The following ABCC4 variants were observed in gnomAD, a reference collection of about 807,000 sequenced individuals.
ABCC4 encodes ATP-binding cassette sub-family C member 4.
A neutral mutation model predicts 168.5 loss-of-function variants in ABCC4; 102 were observed. That is an observed-to-expected ratio of 0.61 (90% confidence interval 0.52 to 0.71). ABCC4 has a LOEUF of 0.71. Among genes scored for constraint, ABCC4 ranks in the 30% least tolerant of loss-of-function variants. The pLI, the probability that ABCC4 is intolerant of heterozygous loss-of-function variation, is 0.00. For synonymous variants in ABCC4, 617 were observed against 590.7 expected, an observed-to-expected ratio of 1.04 and a Z score of -0.65; for missense variants, 1,402 against 1,605.8, an observed-to-expected ratio of 0.87 and a Z score of 2.17.
At chr13:95,287,567 G>A (rs1269305069) in intron 1 of ABCC4, among the ~76,000 whole-genome samples, 1 of 150,232 alleles carries the variant, frequency 6.7e-6, no homozygotes, top group Non-Finnish European at 1.5e-5. Context: ...AGCCTGGGTG[G>A]AAGGGCATGA....
intron 1 of ABCC4, among the ~76,000 whole-genome samples, chr13:95,299,017 C>A (rs2041607147): frequency 6.6e-6 from 1 of 151,948 alleles, no homozygotes. Context: ...CTTTGGGTGG[C>A]CGAAGCGGGA....
chr13:95,188,605 G>A (rs1699167315), intron 9 of ABCC4, 63 bp from the exon 10 acceptor site: 1 of 1,367,242 alleles, frequency 7.3e-7, no homozygotes, highest in Non-Finnish European at 1.0e-6. Context: ...ACTTCAAAAA[G>A]AGAAGAAAAC....
intron 1 of ABCC4, among the ~76,000 whole-genome samples, chr13:95,283,172 C>T (rs1203572771): frequency 1.3e-5 from 2 of 149,860 alleles, no homozygotes; most frequent in East Asian, 2.1e-4. Context: ...GCTGAGATAG[C>T]GCCACTGCAC....
intron 25 of ABCC4, among the ~76,000 whole-genome samples, chr13:95,063,159 G>C (rs2033367927): frequency 6.6e-6 from 1 of 152,060 alleles, no homozygotes; most frequent in African/African-American, 2.4e-5. Context: ...ACGTCCTCTG[G>C]GGCAAAACTG....
At chr13:95,168,693 T>C (rs557243737) in intron 14 of ABCC4, among the ~76,000 whole-genome samples, 110 of 152,272 alleles carry the variant, frequency 7.2e-4, no homozygotes, top group Non-Finnish European at 1.2e-3. Flanking sequence ...GACCAGGGCC[T>C]GGAACAGAGA....
intron 14 of ABCC4, among the ~76,000 whole-genome samples, chr13:95,169,385 A>T (rs981873538): frequency 6.6e-6 from 1 of 152,094 alleles, no homozygotes; most frequent in Non-Finnish European, 1.5e-5. Flanking sequence ...AGATCAAACC[A>T]TGTCACTCCA....
Position 95,209,430 on chromosome 13 carries a change from T to C in ABCC4, c.785+4A>G. ...GACATTTTTCACAGCAGTATTTCTC[T>C]TACCTCAGTGATGAGAACAACTTCC... On this transcript the variant is annotated splice_donor_region_variant and intron_variant, in intron 6 of 30. Coordinates refer to ENST00000645237, the MANE Select transcript of ABCC4 (RefSeq NM_005845.5). The C allele has an allele frequency of 6.2e-7, 1 of 1,613,644 alleles. No homozygotes were observed. The highest frequency in any genetic ancestry group is 8.5e-7 in the Non-Finnish European group (1 of 1,179,682).
chr13:95,076,837 G>A (rs1411419394), intron 21 of ABCC4, among the ~76,000 whole-genome samples: 1 of 152,078 alleles, frequency 6.6e-6, no homozygotes, highest in East Asian at 1.9e-4. Flanking sequence ...ATAGCTCACT[G>A]CCACCTTGAA....
At chr13:95,116,345 G>A (rs1191545891) in intron 19 of ABCC4, among the ~76,000 whole-genome samples, 2 of 152,086 alleles carry the variant, frequency 1.3e-5, no homozygotes, top group South Asian at 2.1e-4. Context: ...GTGCAAAGTA[G>A]GTAGATGAAC....
intron 1 of ABCC4, among the ~76,000 whole-genome samples, chr13:95,300,872 GGGTGCAGTCGCTTCT>G (rs747256101): frequency 6.6e-5 from 10 of 152,202 alleles, no homozygotes; most frequent in Non-Finnish European, 1.3e-4. Flanking sequence ...GGCGTGTAAG[GGGTGCAGTCGCTTCT>G]CCCGCTGGGC....
chr13:95,172,592 A>ACAT (rs2037516765), intron 13 of ABCC4, among the ~76,000 whole-genome samples: 2 of 150,624 alleles, frequency 1.3e-5, no homozygotes, highest in Admixed American at 6.6e-5. Context: ...AAAAAAAGAC[A>ACAT]ACATTAAGAG....
chr13:95,093,502 A>G (rs1398082077), intron 20 of ABCC4, among the ~76,000 whole-genome samples: 2 of 152,132 alleles, frequency 1.3e-5, no homozygotes, highest in African/African-American at 4.8e-5. Flanking sequence ...TCCCTTTAAG[A>G]TTAAAACTCT....
At chr13:95,257,952 G>A (rs560900501) in intron 1 of ABCC4, among the ~76,000 whole-genome samples, 22 of 152,262 alleles carry the variant, frequency 1.4e-4, no homozygotes, top group African/African-American at 2.6e-4. Flanking sequence ...GTAACTCAGC[G>A]CACAGCCATG....
intron 25 of ABCC4, among the ~76,000 whole-genome samples, chr13:95,063,330 C>T (rs1382617848): frequency 6.6e-6 from 1 of 152,168 alleles, no homozygotes; most frequent in Non-Finnish European, 1.5e-5. Context: ...GAGATAATTT[C>T]ACAGGGATAT....
At chr13:95,257,531 A>G (rs9590222) in intron 1 of ABCC4, among the ~76,000 whole-genome samples, 50,492 of 151,938 alleles carry the variant, frequency 0.33, 9,020 homozygotes, top group East Asian at 0.5. Flanking sequence ...TTAGCCGGAC[A>G]TGGCGGTGCA....
intron 1 of ABCC4, among the ~76,000 whole-genome samples, chr13:95,293,260 C>T (rs903662893): frequency 4.0e-5 from 6 of 151,684 alleles, no homozygotes; most frequent in South Asian, 4.2e-4. Context: ...TGGGAGGCTG[C>T]GGCAGGAGAA....
At chr13:95,127,558 G>A (rs557317720) in intron 19 of ABCC4, among the ~76,000 whole-genome samples, 1 of 152,292 alleles carries the variant, frequency 6.6e-6, no homozygotes, top group African/African-American at 2.4e-5. Flanking sequence ...GATTACAGGT[G>A]TGAGCCACCG....
chr13:95,182,930 C>T (rs1488766932), intron 11 of ABCC4, among the ~76,000 whole-genome samples: 1 of 152,092 alleles, frequency 6.6e-6, no homozygotes, highest in African/African-American at 2.4e-5. Context: ...ATGTGAATTA[C>T]TACTTCCTAT....
rs146148932 is a variant in ABCC4 at position 95,172,968 on chromosome 13, T to C, written c.1728-2340A>G. Among the ~76,000 whole-genome samples, 245 of 152,268 alleles carry C rather than the reference T, an allele frequency of 1.6e-3. 3 individuals are homozygous for C. The highest frequency in any genetic ancestry group is 6.8e-3 in the Middle Eastern group (2 of 294). ...GGGAGAGAGGGACAGATACAGTCAC[T>C]ACCTTCATTCATTCAGTTAAGATAC... On this transcript the variant is annotated intron_variant, in intron 13 of 30. Coordinates refer to ENST00000645237, the MANE Select transcript of ABCC4 (RefSeq NM_005845.5).
Sources: gnomAD v4.1 joint callset for allele counts (sites outside exome capture counted in the v4.1 genomes callset) on GRCh38, gnomAD v4.1.1 for gene constraint, MANE v1.5 for transcripts, NCBI Gene and HGNC (gene_info 2026-07-23, HGNC 2026-07-21) for gene names.